KCNQ2: variants seen among roughly 807,000 people sequenced by gnomAD.
KCNQ2 encodes the protein potassium voltage-gated channel subfamily KQT member 2.
In KCNQ2, 14 loss-of-function variants were observed where a neutral mutation model predicts 84.8. The ratio of observed to expected loss-of-function variants is 0.17; its 90% CI spans 0.11 to 0.26. The LOEUF is 0.26. Among genes scored for constraint, KCNQ2 ranks in the 10% least tolerant of loss-of-function variants. The pLI is 1.00. For synonymous variants in KCNQ2, 599 were observed against 554.1 expected (o/e 1.08, Z -1.14); for missense variants, 788 against 1,254.0 (o/e 0.63, Z 5.61).
chr20:63,437,471 C>T (rs2081041087), intron 7 of KCNQ2: 1 of 152,206 alleles, frequency 6.6e-6, no homozygotes, highest in Non-Finnish European at 1.5e-5. Context: ...GTAGGCTGGA[C>T]CCAGAGCCAA....
Position 63,406,519 on chromosome 20 carries a change from AGGG to A in KCNQ2, c.*122_*124del. The A allele has an allele frequency of 8.3e-7, 1 of 1,198,490 alleles. No homozygotes were observed. The highest frequency in any genetic ancestry group is 1.6e-5 in the South Asian group (1 of 62,476). The allele number at this position is 1,198,490 out of a possible 1,614,324, so 74.2% of individuals were successfully genotyped here. ...TCCTTCAGCCCACATGGGCCCCTCC[AGGG>A]CCCACCCTTCCCGCCACACTCAGTT... On this transcript the variant is annotated 3_prime_UTR_variant, in exon 17 of 17. Coordinates refer to ENST00000359125, the MANE Select transcript of KCNQ2 (RefSeq NM_172107.4).
intron 15 of KCNQ2, among the ~76,000 whole-genome samples, chr20:63,409,461 G>A (rs1349163230): frequency 6.6e-6 from 1 of 152,206 alleles, no homozygotes; most frequent in Non-Finnish European, 1.5e-5. Context: ...ACAGAGTCAC[G>A]GCCACTGCTG....
intron 1 of KCNQ2, among the ~76,000 whole-genome samples, chr20:63,465,512 G>A (rs2082056971): frequency 6.6e-6 from 1 of 152,324 alleles, no homozygotes; most frequent in South Asian, 2.1e-4. Flanking sequence ...GAGCCCACTA[G>A]GGAGGCAGGA....
chr20:63,421,616 C>A (rs1281185744), intron 11 of KCNQ2, among the ~76,000 whole-genome samples: 1 of 152,174 alleles, frequency 6.6e-6, no homozygotes, highest in Non-Finnish European at 1.5e-5. Flanking sequence ...TGACCGAGAC[C>A]CGACAGGACA....
rs907601787 is a variant in KCNQ2 at position 63,439,863 on chromosome 20, T to A, written c.817-155A>T. 10 of 688,688 alleles carry A rather than the reference T, an allele frequency of 1.5e-5. 1 individual carries two copies. In the South Asian group the frequency reaches 1.5e-4, roughly 11 times the overall value. The allele number at this position is 688,688 out of a possible 1,614,324, so 42.7% of individuals were successfully genotyped here. ...GGAGGCCCAGTGAGGCCAGGGTCGGTGTCGGCCGCCCCTCATCCCCTGAGC... is the reference window on the plus strand; with the variant it reads ...GGAGGCCCAGTGAGGCCAGGGTCGGAGTCGGCCGCCCCTCATCCCCTGAGC... On this transcript the variant is annotated intron_variant, in intron 5 of 16. Transcript: ENST00000359125.
In KCNQ2 at chr20:63,400,844, C is replaced by T. The variant is rs774025758; in HGVS notation, c.*5800G>A. ...CTGCGCGTGTCTCTGGAGCCCGTCC[C>T]TTGGGCCCCTCGCCCGCCCCACCTG... On this transcript the variant is annotated 3_prime_UTR_variant, in exon 17 of 17. Coordinates refer to ENST00000359125, the MANE Select transcript of KCNQ2 (RefSeq NM_172107.4). The surrounding 1 kb of genome is among the most constrained non-coding windows in gnomAD (Gnocchi z 8.7). 5.3e-5 allele frequency: 21 copies of T among 398,350 alleles called. No individual in the cohort carries two copies. Among genetic ancestry groups the T allele is most frequent in the Non-Finnish European group, 8.0e-5 (18 of 225,942 alleles). 24.7% of individuals were successfully genotyped at this position (398,350 alleles called of 1,614,324 possible).
intron 1 of KCNQ2, among the ~76,000 whole-genome samples, chr20:63,456,006 C>T (rs1418050988): frequency 1.6e-5 from 1 of 63,064 alleles, no homozygotes; most frequent in Non-Finnish European, 3.4e-5. Flanking sequence ...GCTTCACGGG[C>T]CCCCCACCTC....
chr20:63,406,636 G>C lies in KCNQ2; in HGVS notation c.*8C>G. The C allele has an allele frequency of 1.3e-6, 2 of 1,585,522 alleles. No individual in the cohort carries two copies. Among genetic ancestry groups the C allele is most frequent in the South Asian group, 1.1e-5 (1 of 89,284 alleles). ...GGCCGCGGGCGGGTCCACTGGCCCA[G>C]CGCCGCCTCACTTCCTGGGCCCGGC... On this transcript the variant is annotated 3_prime_UTR_variant, in exon 17 of 17. Transcript: ENST00000359125.
rs533787991 is a variant in KCNQ2, at chr20:63,418,395, G to C, written c.1301+1224C>G. On this transcript the variant is annotated intron_variant, in intron 12 of 16. Coordinates refer to ENST00000359125, the MANE Select transcript of KCNQ2 (RefSeq NM_172107.4). ...GGTGAAATTCAGATGTGCGGTGCCCGCAGGAAACAGGAGGCTGAGGAGCAT... is the reference window on the plus strand; with the variant it reads ...GGTGAAATTCAGATGTGCGGTGCCCCCAGGAAACAGGAGGCTGAGGAGCAT... 6.6e-5 allele frequency among the ~76,000 whole-genome samples: 10 copies of C among 152,342 alleles called. No homozygotes were observed. The East Asian group carries it at 1.9e-3, about 29-fold the overall frequency.
At chr20:63,434,003 G>A in intron 7 of KCNQ2, 100 bp from the exon 8 acceptor site, 2 of 996,262 alleles carry the variant, frequency 2.0e-6, no homozygotes, top group Non-Finnish European at 3.1e-6. Flanking sequence ...GGACCCCCAT[G>A]CTGTAGGCCA....
intron 10 of KCNQ2, among the ~76,000 whole-genome samples, chr20:63,426,534 C>A (rs904581453): frequency 6.6e-6 from 1 of 151,120 alleles, no homozygotes; most frequent in African/African-American, 2.4e-5. Context: ...TTTGGCGGAT[C>A]GGCCAGGTGC....
intron 1 of KCNQ2, among the ~76,000 whole-genome samples, chr20:63,450,912 C>T: frequency 6.6e-6 from 1 of 152,024 alleles, no homozygotes; most frequent in Non-Finnish European, 1.5e-5. Flanking sequence ...CCGAGGCGGG[C>T]AGATCACTTG....
chr20:63,440,411 G>C (rs1308397241), intron 5 of KCNQ2, among the ~76,000 whole-genome samples: 1 of 152,198 alleles, frequency 6.6e-6, no homozygotes, highest in Non-Finnish European at 1.5e-5. Flanking sequence ...GAGGAAGGCA[G>C]GGGCAGGCAC....
chr20:63,471,852 T>G, intron 1 of KCNQ2: 4 of 294,490 alleles, frequency 1.4e-5, no homozygotes, highest in East Asian at 6.4e-5. Context: ...GGCCGGCCCT[T>G]TGTTCGGCGC....
At chr20:63,448,696 G>GA (rs1034586180) in intron 1 of KCNQ2, 2 of 152,326 alleles carry the variant, frequency 1.3e-5, no homozygotes, top group Non-Finnish European at 2.9e-5. Flanking sequence ...TCCCACAGAG[G>GA]AAATATTCCC....
chr20:63,457,371 C>T (rs1600838013), intron 1 of KCNQ2, among the ~76,000 whole-genome samples: 1 of 152,254 alleles, frequency 6.6e-6, no homozygotes, highest in African/African-American at 2.4e-5. Flanking sequence ...CCGAGCCTCC[C>T]AAACACTGGG....
At position 63,406,739 on chromosome 20, in the gene KCNQ2, C is replaced by T; in HGVS notation, c.2524G>A (p.Asp842Asn). Residue 842 changes from aspartate (D) to asparagine (N), a missense_variant, in exon 17 of 17, where the codon GAC becomes AAC. Around this residue, in one of 8 missense-constraint regions of KCNQ2, gnomAD observed 378 missense variants for 434.5 expected, o/e 0.87. Coordinates refer to ENST00000359125, the MANE Select transcript of KCNQ2 (RefSeq NM_172107.4). ...PYIAEGESDTDSDLCTPCGPP... is the reference protein window; with the variant it reads ...PYIAEGESDTNSDLCTPCGPP... ...CCGCACGGGGTACAGAGGTCGGAGT[C>T]GGTGTCTGACTCTCCCTCCGCAATG... The T allele has an allele frequency of 3.1e-6, 5 of 1,610,852 alleles. No individual in the cohort carries two copies. Among genetic ancestry groups the T allele is most frequent in the Non-Finnish European group, 4.2e-6 (5 of 1,179,326 alleles).
chr20:63,442,740 C>CCAT, intron 4 of KCNQ2, among the ~76,000 whole-genome samples: 1 of 97,900 alleles, frequency 1.0e-5, no homozygotes, highest in African/African-American at 4.6e-5. Context: ...ACCACCTCCA[C>CCAT]CATCACCACC....
In KCNQ2 at chr20:63,406,472, A is replaced by C; in HGVS notation, c.*172T>G. ...CCTGTTGGAAAATAACTTTTGTAAAAGGTCACTGCCAGGAGCCCCCATCCT... is the reference window on the plus strand; with the variant it reads ...CCTGTTGGAAAATAACTTTTGTAAACGGTCACTGCCAGGAGCCCCCATCCT... On this transcript the variant is annotated 3_prime_UTR_variant, in exon 17 of 17. Transcript: ENST00000359125. 1.3e-6 allele frequency: 1 copy of C among 775,088 alleles called. No individual in the cohort carries two copies. The highest frequency in any genetic ancestry group is 2.7e-5 in the East Asian group (1 of 36,742). The allele number at this position is 775,088 out of a possible 1,614,324, so 48.0% of individuals were successfully genotyped here. A position where few individuals can be genotyped will look rare whatever the true frequency, so the allele number is the denominator to read the frequency against.
Sources: gnomAD v4.1 joint callset for allele counts (sites outside exome capture counted in the v4.1 genomes callset) on GRCh38, gnomAD v4.1.1 for gene constraint, gnomAD v4.1.1 regional missense constraint, Gnocchi (gnomAD v3.1) non-coding constraint, MANE v1.5 for transcripts, NCBI Gene and HGNC (gene_info 2026-07-23, HGNC 2026-07-21) for gene names.